Variants in ROBO2 observed in about 807,000 individuals in gnomAD.
ROBO2 encodes the protein roundabout homolog 2.
ROBO2 carries 53 observed loss-of-function variants against 160.8 expected under a neutral mutation model. The observed-to-expected ratio is 0.33, with a 90% CI of 0.26 to 0.41. The LOEUF is 0.41. Among genes scored for constraint, ROBO2 ranks in the 10% least tolerant of loss-of-function variants. ROBO2 has a pLI of 1.00. For missense variants in ROBO2, 1,577 were observed against 1,722.4 expected, an observed-to-expected ratio of 0.92 and a Z score of 1.49; for synonymous variants, 664 against 611.7, an observed-to-expected ratio of 1.09 and a Z score of -1.26.
chr3:77,593,429 G>A (rs1241898241), intron 17 of ROBO2, among the ~76,000 whole-genome samples: 24 of 152,078 alleles, frequency 1.6e-4, no homozygotes, highest in Admixed American at 1.3e-3. Context: ...CTGATTTCCC[G>A]CATTTCAGTG....
At chr3:77,112,674 C>T (rs996029415) in intron 2 of ROBO2, among the ~76,000 whole-genome samples, 1 of 152,068 alleles carries the variant, frequency 6.6e-6, no homozygotes, top group African/African-American at 2.4e-5. Context: ...AACTATTCTC[C>T]CAAAGAGAGA....
intron 22 of ROBO2, among the ~76,000 whole-genome samples, chr3:77,618,645 T>C (rs2094833489): frequency 6.6e-6 from 1 of 152,040 alleles, no homozygotes; most frequent in Non-Finnish European, 1.5e-5. Context: ...ATTGTTCTAG[T>C]CATGGGGATA....
chr3:76,226,074 G>A (rs1300976306), intron 2 of ROBO2, among the ~76,000 whole-genome samples: 1 of 152,118 alleles, frequency 6.6e-6, no homozygotes. Flanking sequence ...GAGCATGGAA[G>A]CTTTGAAAAT....
chr3:76,320,277 C>T (rs1313744404), intron 2 of ROBO2, among the ~76,000 whole-genome samples: 5 of 152,022 alleles, frequency 3.3e-5, no homozygotes, highest in Non-Finnish European at 7.4e-5. Context: ...ATTAATATGA[C>T]TATATTCTTA....
At chr3:77,288,175 T>C (rs1053616397) in intron 2 of ROBO2, among the ~76,000 whole-genome samples, 3 of 152,144 alleles carry the variant, frequency 2.0e-5, no homozygotes, top group Admixed American at 1.3e-4. Context: ...GAGCATGAAA[T>C]TGTTTTTAGA....
Position 77,602,650 on chromosome 3 carries a change from C to T in ROBO2, c.3136+159C>T. 7.2e-6 allele frequency: 6 copies of T among 829,824 alleles called. No homozygotes were observed. The South Asian group carries it at 9.9e-5, about 14-fold the overall frequency. The allele number at this position is 829,824 out of a possible 1,614,324, so 51.4% of individuals were successfully genotyped here. ...TTTCCAGTAACTTGAGTAATTCCTA[C>T]CACCACCACCGCCACCACCACCACC... On this transcript the variant is annotated intron_variant, in intron 20 of 25. Coordinates refer to ENST00000461745, the Ensembl canonical transcript of ROBO2.
intron 1 of ROBO2, among the ~76,000 whole-genome samples, chr3:77,060,131 G>C (rs1239048107): frequency 1.3e-5 from 2 of 152,158 alleles, no homozygotes; most frequent in Non-Finnish European, 2.9e-5. Context: ...TTCTAGATTT[G>C]AGTTCAAATA....
chr3:76,109,787 C>T (rs2070135307), intron 2 of ROBO2, among the ~76,000 whole-genome samples: 1 of 151,800 alleles, frequency 6.6e-6, no homozygotes, highest in Admixed American at 6.6e-5. Flanking sequence ...ACATTGTACC[C>T]AGTGGACAAT....
intron 2 of ROBO2, among the ~76,000 whole-genome samples, chr3:76,023,660 A>G (rs1300509411): frequency 6.6e-6 from 1 of 151,594 alleles, no homozygotes; most frequent in East Asian, 1.9e-4. Context: ...CTATAACTAT[A>G]TATATAACCA....
At chr3:77,273,739 A>G (rs941697740) in intron 2 of ROBO2, among the ~76,000 whole-genome samples, 1 of 152,180 alleles carries the variant, frequency 6.6e-6, no homozygotes, top group Non-Finnish European at 1.5e-5. Flanking sequence ...AAGAGGTAAA[A>G]CTGGATTGTT....
intron 2 of ROBO2, among the ~76,000 whole-genome samples, chr3:77,363,825 G>A (rs1393150086): frequency 6.6e-6 from 1 of 152,094 alleles, no homozygotes; most frequent in Non-Finnish European, 1.5e-5. Context: ...GGATTCAAGT[G>A]TCTATGACCT....
chr3:77,246,321 A>ATGTG (rs1277205218), intron 2 of ROBO2, among the ~76,000 whole-genome samples: 3 of 110,534 alleles, frequency 2.7e-5, no homozygotes, highest in African/African-American at 3.8e-5. Flanking sequence ...CTGAGAGTGT[A>ATGTG]TGTGTATGTG....
chr3:77,586,479 G>A (rs1460844862), intron 16 of ROBO2, among the ~76,000 whole-genome samples: 1 of 152,048 alleles, frequency 6.6e-6, no homozygotes, highest in East Asian at 1.9e-4. Context: ...ATGGGATGAA[G>A]ACATTATATT....
intron 2 of ROBO2, among the ~76,000 whole-genome samples, chr3:76,985,105 C>T (rs1432661904): frequency 4.6e-5 from 7 of 151,910 alleles, no homozygotes. Context: ...CATTTCTTTT[C>T]TCTTTAAGGT....
At chr3:77,074,752 G>A (rs1277965956) in intron 1 of ROBO2, among the ~76,000 whole-genome samples, 1 of 152,080 alleles carries the variant, frequency 6.6e-6, no homozygotes, top group African/African-American at 2.4e-5. Context: ...ATGAATGAAT[G>A]AATGAATGAA....
At chr3:76,049,403 A>ATATTTTTTT (rs1414664360) in intron 2 of ROBO2, among the ~76,000 whole-genome samples, 32 of 53,756 alleles carry the variant, frequency 6.0e-4, no homozygotes, top group African/African-American at 1.0e-3. Context: ...ATATATATAT[A>ATATTTTTTT]TTTTTTTTTT....
intron 2 of ROBO2, among the ~76,000 whole-genome samples, chr3:77,222,933 A>T (rs1398540876): frequency 6.6e-6 from 1 of 152,228 alleles, no homozygotes; most frequent in East Asian, 1.9e-4. Context: ...TTAAATATGC[A>T]TGAACTGTTG....
rs201775288 is a variant in ROBO2 at position 76,621,131 on chromosome 3, C to CT, written c.110-476870dup. Among the ~76,000 whole-genome samples the CT allele has an allele frequency of 1.2e-3, 139 of 118,434 alleles. 1 individual carries two copies. The highest frequency in any genetic ancestry group is 2.7e-3 in the Admixed American group (30 of 10,946). The allele number at this position is 118,434 out of a possible 152,430, so 77.7% of individuals were successfully genotyped here. Reference sequence around the variant, plus strand: ...ATACACATATCTTTTTTAGTTTATGCTTTTTTTTTTTTTCAGGCAAGGGAA... The same window carrying CT: ...ATACACATATCTTTTTTAGTTTATGCTTTTTTTTTTTTTTCAGGCAAGGGAA... On this transcript the variant is annotated intron_variant, in intron 2 of 26. Transcript: ENST00000487694.
At chr3:77,225,474 G>A (rs1365891613) in intron 2 of ROBO2, among the ~76,000 whole-genome samples, 1 of 151,608 alleles carries the variant, frequency 6.6e-6, no homozygotes, top group Non-Finnish European at 1.5e-5. Context: ...TGCTGGAATT[G>A]TGTGAAGTCT....
Sources: allele counts gnomAD v4.1 joint callset (sites outside exome capture counted in the v4.1 genomes callset), GRCh38; gene constraint gnomAD v4.1.1; transcripts MANE v1.5; gene names NCBI Gene and HGNC (gene_info 2026-07-23, HGNC 2026-07-21).